Variants in ZNF385D observed in about 807,000 individuals in gnomAD.
ZNF385D encodes zinc finger protein 385D, also known as zinc finger protein 659.
A neutral mutation model predicts 35.8 loss-of-function variants in ZNF385D; 15 were observed. That is an observed-to-expected ratio of 0.42 (90% CI 0.28 to 0.64). ZNF385D has a LOEUF of 0.64. Among genes scored for constraint, ZNF385D ranks in the 30% least tolerant of loss-of-function variants. ZNF385D has a pLI of 0.23. For synonymous variants in ZNF385D, 212 were observed against 186.8 expected, an observed-to-expected ratio of 1.13 and a Z score of -1.10; for missense variants, 474 against 494.6, an observed-to-expected ratio of 0.96 and a Z score of 0.39.
At chr3:21,570,968 C>G (rs1230379773) in intron 2 of ZNF385D, among the ~76,000 whole-genome samples, 1 of 152,180 alleles carries the variant, frequency 6.6e-6, no homozygotes, top group African/African-American at 2.4e-5. Flanking sequence ...CTCACTCCCA[C>G]AAAATTTTTC....
intron 3 of ZNF385D, among the ~76,000 whole-genome samples, chr3:21,563,977 C>T (rs1196702237): frequency 6.6e-6 from 1 of 152,096 alleles, no homozygotes; most frequent in Admixed American, 6.6e-5. Context: ...AACTTGTGAA[C>T]CACCAGTCAG....
intron 2 of ZNF385D, among the ~76,000 whole-genome samples, chr3:21,592,833 G>T (rs1470749159): frequency 6.6e-6 from 1 of 152,176 alleles, no homozygotes; most frequent in Non-Finnish European, 1.5e-5. Context: ...CAAGGGAAAA[G>T]CATTCTAGAA....
At chr3:22,221,897 C>T (rs971017379) in intron 2 of ZNF385D, among the ~76,000 whole-genome samples, 1 of 152,040 alleles carries the variant, frequency 6.6e-6, no homozygotes, top group Non-Finnish European at 1.5e-5. Context: ...GATGTGAATG[C>T]CTTCAGTGAA....
At chr3:21,844,738 CT>C (rs1159301273) in intron 3 of ZNF385D, among the ~76,000 whole-genome samples, 2 of 151,918 alleles carry the variant, frequency 1.3e-5, no homozygotes. Flanking sequence ...TGCACTGTCA[CT>C]AAATTGTTCA....
At chr3:22,202,470 G>A (rs981519877) in intron 2 of ZNF385D, among the ~76,000 whole-genome samples, 2 of 152,046 alleles carry the variant, frequency 1.3e-5, no homozygotes, top group Non-Finnish European at 1.5e-5. Context: ...CCTTGAAAAT[G>A]TTCATTGGAT....
intron 2 of ZNF385D, among the ~76,000 whole-genome samples, chr3:21,612,824 T>TC (rs1003180593): frequency 6.6e-6 from 1 of 152,174 alleles, no homozygotes; most frequent in Non-Finnish European, 1.5e-5. Flanking sequence ...CTCTTTTTTT[T>TC]CACAAAGCAG....
chr3:22,256,603 A>G (rs182050283), intron 2 of ZNF385D, among the ~76,000 whole-genome samples: 2 of 152,040 alleles, frequency 1.3e-5, no homozygotes, highest in East Asian at 3.9e-4. Context: ...GTGATAAATC[A>G]TCGTATCTGT....
chr3:22,041,841 G>T (rs1278203063), intron 3 of ZNF385D, among the ~76,000 whole-genome samples: 1 of 152,054 alleles, frequency 6.6e-6, no homozygotes, highest in African/African-American at 2.4e-5. Context: ...AGGAAGGAAT[G>T]TTCAGGTAGG....
intron 2 of ZNF385D, among the ~76,000 whole-genome samples, chr3:21,659,530 C>A (rs2066172092): frequency 6.6e-6 from 1 of 152,006 alleles, no homozygotes; most frequent in Admixed American, 6.6e-5. Context: ...GAGTCCTGAG[C>A]AATGTCATAC....
intron 3 of ZNF385D, among the ~76,000 whole-genome samples, chr3:21,967,776 G>T (rs1010602847): frequency 6.6e-6 from 1 of 152,218 alleles, no homozygotes; most frequent in Non-Finnish European, 1.5e-5. Flanking sequence ...AATGGCAAAT[G>T]AGGTTCCTAA....
intron 3 of ZNF385D, among the ~76,000 whole-genome samples, chr3:22,058,685 A>G (rs1195264302): frequency 6.6e-6 from 1 of 152,232 alleles, no homozygotes; most frequent in Admixed American, 6.5e-5. Context: ...TTTTGTTTAT[A>G]TTTTAAAATA....
chr3:21,797,326 A>G (rs1440930764), intron 3 of ZNF385D, among the ~76,000 whole-genome samples: 3 of 152,216 alleles, frequency 2.0e-5, no homozygotes, highest in Admixed American at 2.0e-4. Context: ...AAAATCCAGA[A>G]CACTAACAAC....
chr3:21,922,311 A>G lies in ZNF385D; in HGVS notation c.325+246506T>C, dbSNP rs529914697. 7.4e-4 allele frequency among the ~76,000 whole-genome samples: 112 copies of G among 152,342 alleles called. 2 individuals are homozygous for G. The highest frequency in any genetic ancestry group is 6.7e-3 in the Admixed American group (102 of 15,304). On this transcript the variant is annotated intron_variant, in intron 3 of 5. Transcript: ENST00000494108. ...TTTATAAAAATCATGTAGAACTAAA[A>G]AAGAGCCGTAACAGAAAAAGCACTC... is the stretch of plus-strand genomic sequence containing the variant.
Position 21,733,206 on chromosome 3 carries a change from G to C in ZNF385D, c.22+17689C>G, listed in dbSNP as rs184602639. On this transcript the variant is annotated intron_variant, in intron 1 of 7. Coordinates refer to ENST00000281523, the MANE Select transcript of ZNF385D (RefSeq NM_024697.3). ...AGACCAGTTGCTTATCTTTACATCA[G>C]TCTATTTCTGAACTTTCTCTTCTGT... Among the ~76,000 whole-genome samples the C allele has an allele frequency of 5.7e-3, 865 of 151,896 alleles. 6 individuals are homozygous for C. Among genetic ancestry groups the C allele is most frequent in the Non-Finnish European group, 7.4e-3 (500 of 67,938 alleles).
At chr3:21,851,218 T>C (rs189456518) in intron 3 of ZNF385D, among the ~76,000 whole-genome samples, 1 of 152,090 alleles carries the variant, frequency 6.6e-6, no homozygotes, top group East Asian at 1.9e-4. Flanking sequence ...CTAGATGGCC[T>C]TGATAGCTGA....
intron 3 of ZNF385D, among the ~76,000 whole-genome samples, chr3:22,155,780 A>T (rs1171035132): frequency 2.0e-5 from 3 of 152,174 alleles, no homozygotes; most frequent in Non-Finnish European, 2.9e-5. Context: ...TTCATTAAAA[A>T]ACAATGGAGA....
At chr3:21,436,882 C>T (rs762210953) in intron 5 of ZNF385D, 88 bp downstream of exon 5, 39 of 1,276,376 alleles carry the variant, frequency 3.1e-5, no homozygotes, top group Non-Finnish European at 4.1e-5. Context: ...TCCTCCACCC[C>T]TTTGTCCCCT....
chr3:21,678,201 T>C (rs2066788201), intron 1 of ZNF385D, among the ~76,000 whole-genome samples: 2 of 152,072 alleles, frequency 1.3e-5, no homozygotes, highest in South Asian at 4.1e-4. Flanking sequence ...TGTCCAATCA[T>C]CTTTTGGTTA....
intron 3 of ZNF385D, among the ~76,000 whole-genome samples, chr3:22,087,160 T>C (rs1701089598): frequency 6.6e-6 from 1 of 152,192 alleles, no homozygotes; most frequent in South Asian, 2.1e-4. Context: ...AACAGCATTA[T>C]TTGATGTCAC....
Sources: gnomAD v4.1 joint callset for allele counts (sites outside exome capture counted in the v4.1 genomes callset) on GRCh38, gnomAD v4.1.1 for gene constraint, MANE v1.5 for transcripts, NCBI Gene and HGNC (gene_info 2026-07-23, HGNC 2026-07-21) for gene names.